The following PCDHGB7 variants were observed in gnomAD, a reference collection of about 807,000 sequenced individuals.
PCDHGB7 encodes the protein protocadherin gamma subfamily B, 7.
Under a neutral mutation model 61.4 loss-of-function variants are expected in PCDHGB7, and 37 were observed. The observed-to-expected ratio is 0.60, with a 90% confidence interval of 0.46 to 0.79. The LOEUF is 0.79. PCDHGB7 is among the 30% of genes least tolerant of loss of function. The pLI is 0.00. For synonymous variants in PCDHGB7, 464 were observed against 503.5 expected (o/e 0.92, Z 1.05); for missense variants, 1,166 against 1,202.5 (o/e 0.97, Z 0.45).
At chr5:141,468,783 G>A (rs908838744) in intron 1 of PCDHGB7, among the ~76,000 whole-genome samples, 7 of 151,460 alleles carry the variant, frequency 4.6e-5, no homozygotes, top group South Asian at 2.1e-4. Context: ...GGAGAATGGC[G>A]TGAACCCGGG....
At chr5:141,507,932 G>C (rs2099865030) in intron 3 of PCDHGB7, 1 of 152,338 alleles carries the variant, frequency 6.6e-6, no homozygotes, top group Admixed American at 6.5e-5. Context: ...TGCTGAGAGG[G>C]GTTAAGTAAG....
intron 1 of PCDHGB7, chr5:141,433,315 TCCGGTGTAACAGGGACTA>T: frequency 1.2e-6 from 1 of 856,086 alleles, no homozygotes; most frequent in Non-Finnish European, 1.8e-6. Flanking sequence ...CACCTTTGCC[TCCGGTGTAACAGGGACTA>T]CAGGTGCAAG....
intron 1 of PCDHGB7, among the ~76,000 whole-genome samples, chr5:141,481,161 A>G (rs2099532805): frequency 6.6e-6 from 1 of 152,230 alleles, no homozygotes; most frequent in African/African-American, 2.4e-5. Flanking sequence ...GTATTTGCAG[A>G]ACCAGAATCC....
rs1342473418 is a variant in PCDHGB7, at chr5:141,477,702, A to G, written c.2416-17105A>G. On this transcript the variant is annotated intron_variant, in intron 1 of 3. Transcript: ENST00000398594. The surrounding 1 kb of genome is among the most constrained non-coding windows in gnomAD (Gnocchi z 4.9). Reference sequence around the variant, plus strand: ...TCCTTAGTGCCCCTAGACTATGAGGATCGGCGGGAATTTGAATTAACAGCT... The same window carrying G: ...TCCTTAGTGCCCCTAGACTATGAGGGTCGGCGGGAATTTGAATTAACAGCT... The G allele has an allele frequency of 1.9e-6, 3 of 1,613,924 alleles. No individual in the cohort carries two copies. Among genetic ancestry groups the G allele is most frequent in the Non-Finnish European group, 2.5e-6 (3 of 1,180,044 alleles).
At chr5:141,465,094 GT>G (rs138941665) in intron 1 of PCDHGB7, among the ~76,000 whole-genome samples, 203 of 148,178 alleles carry the variant, frequency 1.4e-3, no homozygotes, top group Admixed American at 7.3e-3. Context: ...TTTTCTAGTA[GT>G]TTTTTTTTTA....
At chr5:141,425,159 G>T (rs557552439) in intron 1 of PCDHGB7, among the ~76,000 whole-genome samples, 1 of 152,244 alleles carries the variant, frequency 6.6e-6, no homozygotes, top group Non-Finnish European at 1.5e-5. Context: ...AGCATCTAGG[G>T]ATAGGATTTA....
rs1292846589 is a variant in PCDHGB7, at chr5:141,418,068, C to T, written c.209C>T (p.Ala70Val). Residue 70 changes from alanine (A) to valine (V), a missense_variant, in exon 1 of 4, where the codon GCG (alanine) becomes GTG (valine). Physicochemically the swap from Ala to Val is moderately conservative, Grantham distance 64. Transcript: ENST00000398594. ...DVSARELRVS[A>V]EKLHFSVDAQ... ...TCGGCTCGCGAGCTGCGAGTGAGCG[C>T]GGAGAAGCTGCACTTCAGCGTAGAC... The T allele has an allele frequency of 2.5e-6, 4 of 1,614,002 alleles. No individual in the cohort carries two copies. Among genetic ancestry groups the T allele is most frequent in the Non-Finnish European group, 3.4e-6 (4 of 1,179,894 alleles).
At position 141,476,881 on chromosome 5, in the gene PCDHGB7, G is replaced by A. The variant is rs1458703890; in HGVS notation, c.2416-17926G>A. On this transcript the variant is annotated intron_variant, in intron 1 of 3. Coordinates refer to ENST00000398594, the MANE Select transcript of PCDHGB7 (RefSeq NM_018927.4). The surrounding 1 kb of genome is among the most constrained non-coding windows in gnomAD (Gnocchi z 7.6). The stretch of plus-strand genomic sequence containing the variant: ...CCTTGTACCGGGCGCGCGTCCTGGA[G>A]GATGCACCCTCCGGCACGCGCGTGG... 1.9e-6 allele frequency: 3 copies of A among 1,613,874 alleles called. No homozygotes were observed. Among genetic ancestry groups the A allele is most frequent in the Middle Eastern group, 1.6e-4 (1 of 6,084 alleles).
Position 141,510,980 on chromosome 5 carries a change from G to C in PCDHGB7, c.2597G>C (p.Gly866Ala), listed in dbSNP as rs1466168256. 12 of 1,614,170 alleles carry C rather than the reference G, an allele frequency of 7.4e-6. No individual in the cohort carries two copies. The highest frequency in any genetic ancestry group is 9.3e-6 in the Non-Finnish European group (11 of 1,180,014). ...AADGSSTLGG[G>A]AGTMGLSARY... ...GATGGGAGCTCCACCCTGGGAGGGG[G>C]TGCCGGCACCATGGGATTGAGCGCC... is the stretch of plus-strand genomic sequence containing the variant. Residue 866 changes from glycine (G) to alanine (A), a missense_variant, in exon 4 of 4, where the codon GGT becomes GCT. By Grantham distance (60) the Gly-to-Ala change is moderately conservative (BLOSUM62 0). Transcript: ENST00000398594.
In PCDHGB7 at chr5:141,491,463, C is replaced by CT. The variant is rs765984397; in HGVS notation, c.2416-3343dup. The CT allele has an allele frequency of 6.2e-7, 1 of 1,614,112 alleles. No homozygotes were observed. Among genetic ancestry groups the CT allele is most frequent in the Non-Finnish European group, 8.5e-7 (1 of 1,180,010 alleles). ...GCCAGGACTCACCCTCCCCGGACTT[C>CT]TATAAGCAGTCCAGCCCCAACCTGC... On this transcript the variant is annotated intron_variant, in intron 1 of 3. Coordinates refer to ENST00000398594, the MANE Select transcript of PCDHGB7 (RefSeq NM_018927.4). This position sits in a 1 kb window ranked among gnomAD's most constrained non-coding sequence, Gnocchi z 6.9.
chr5:141,432,378 C>A lies in PCDHGB7; in HGVS notation c.2415+12104C>A. On this transcript the variant is annotated intron_variant, in intron 1 of 3. Coordinates refer to ENST00000398594, the MANE Select transcript of PCDHGB7 (RefSeq NM_018927.4). This position sits in a 1 kb window ranked among gnomAD's most constrained non-coding sequence, Gnocchi z 6.0. ...GTGATGGCGCGGGACAACGGGCACC[C>A]GCCCCTCAGCAGCAACGTGTCGTTG... 6.2e-7 allele frequency: 1 copy of A among 1,614,234 alleles called. No individual in the cohort carries two copies. Among genetic ancestry groups the A allele is most frequent in the South Asian group, 1.1e-5 (1 of 91,082 alleles).
At chr5:141,452,016 A>G (rs988436326) in intron 1 of PCDHGB7, among the ~76,000 whole-genome samples, 5 of 152,084 alleles carry the variant, frequency 3.3e-5, no homozygotes, top group Non-Finnish European at 5.9e-5. Flanking sequence ...TCCAGCCCAC[A>G]CTCTGGGGAG....
At chr5:141,472,412 G>C (rs1283620276) in intron 1 of PCDHGB7, among the ~76,000 whole-genome samples, 1 of 152,058 alleles carries the variant, frequency 6.6e-6, no homozygotes, top group Non-Finnish European at 1.5e-5. Context: ...GTGGTGGCAC[G>C]CACCTGTATC....
chr5:141,500,460 C>T (rs1421637554), intron 2 of PCDHGB7, among the ~76,000 whole-genome samples: 2 of 152,234 alleles, frequency 1.3e-5, no homozygotes, highest in South Asian at 2.1e-4. Context: ...CCGCCCGCCT[C>T]GGCCTCCCAA....
At chr5:141,471,901 G>C (rs1224804131) in intron 1 of PCDHGB7, among the ~76,000 whole-genome samples, 1 of 152,146 alleles carries the variant, frequency 6.6e-6, no homozygotes, top group Non-Finnish European at 1.5e-5. Context: ...ATTGACTACA[G>C]ACAAGCATGA....
chr5:141,446,800 G>C (rs1332771959), intron 1 of PCDHGB7, among the ~76,000 whole-genome samples: 1 of 152,150 alleles, frequency 6.6e-6, no homozygotes, highest in African/African-American at 2.4e-5. Flanking sequence ...TTCTTCCATT[G>C]TGATCATCTA....
chr5:141,491,109 A>G lies in PCDHGB7; in HGVS notation c.2416-3698A>G, dbSNP rs1039906987. 4.3e-6 allele frequency: 7 copies of G among 1,614,074 alleles called. No individual in the cohort carries two copies. The African/African-American group carries it at 9.3e-5, about 22-fold the overall frequency. ...CCCCAGGACTGTTCCTCGTGTCTAC[A>G]CACACTGGTGAGGTGCGCACAGCCC... On this transcript the variant is annotated intron_variant, in intron 1 of 3. Coordinates refer to ENST00000398594, the MANE Select transcript of PCDHGB7 (RefSeq NM_018927.4). The surrounding 1 kb of genome is among the most constrained non-coding windows in gnomAD (Gnocchi z 6.9).
Position 141,476,160 on chromosome 5 carries a change from G to A in PCDHGB7, c.2416-18647G>A, listed in dbSNP as rs781765205. 4.3e-6 allele frequency: 7 copies of A among 1,612,858 alleles called. No homozygotes were observed. The highest frequency in any genetic ancestry group is 5.9e-6 in the Non-Finnish European group (7 of 1,179,926). On this transcript the variant is annotated intron_variant, in intron 1 of 3. Coordinates refer to ENST00000398594, the MANE Select transcript of PCDHGB7 (RefSeq NM_018927.4). This position sits in a 1 kb window ranked among gnomAD's most constrained non-coding sequence, Gnocchi z 7.6. ...AGGAGCGGACTGGTAAGCACCGGGA[G>A]GGTAGTGGGAGTTTTGCTTCTGCTT...
At position 141,423,686 on chromosome 5, in the gene PCDHGB7, A is replaced by T. The variant is rs752078243; in HGVS notation, c.2415+3412A>T. 10 of 1,328,296 alleles carry T rather than the reference A, an allele frequency of 7.5e-6. No homozygotes were observed. The East Asian group carries it at 3.6e-4, about 47-fold the overall frequency. The allele number at this position is 1,328,296 out of a possible 1,614,324, so 82.3% of individuals were successfully genotyped here. The stretch of plus-strand genomic sequence containing the variant: ...GTGAGATTTATTTCTCTGCCTCCTA[A>T]TTGTTGGTGTCTTGGCACAAGTCTT... On this transcript the variant is annotated intron_variant, in intron 1 of 3. Transcript: ENST00000398594.
Sources: gnomAD v4.1 joint callset for allele counts (sites outside exome capture counted in the v4.1 genomes callset) on GRCh38, gnomAD v4.1.1 for gene constraint, Gnocchi (gnomAD v3.1) non-coding constraint, MANE v1.5 for transcripts, NCBI Gene and HGNC (gene_info 2026-07-23, HGNC 2026-07-21) for gene names.